MIDN: variants seen among roughly 807,000 people sequenced by gnomAD.
MIDN encodes midbrain nucleolar protein.
Under a neutral mutation model 46.1 loss-of-function variants are expected in MIDN, and 26 were observed. That is an observed-to-expected ratio of 0.56 (90% CI 0.41 to 0.78). MIDN has a LOEUF of 0.78. Among genes scored for constraint, MIDN ranks in the 30% least tolerant of loss-of-function variants. MIDN has a pLI of 0.00. For synonymous variants in MIDN, 432 were observed against 343.3 expected (o/e 1.26, Z -2.86); for missense variants, 850 against 771.8 (o/e 1.10, Z -1.20).
Position 1,248,628 on chromosome 19 carries a change from G to C in MIDN, c.-440G>C, listed in dbSNP as rs960115655. ...CATTCGGCCCCGGACGAAGGTACTC[G>C]CAGCACTTGGAGCGCAGAACCGGCC... is the stretch of plus-strand genomic sequence containing the variant. On this transcript the variant is annotated 5_prime_UTR_variant, in exon 1 of 9. Transcript: ENST00000682408. The C allele has an allele frequency of 6.6e-6, 1 of 152,358 alleles. No homozygotes were observed. The highest frequency in any genetic ancestry group is 1.5e-5 in the Non-Finnish European group (1 of 68,208). The allele number at this position is 152,358 out of a possible 1,614,324, so 9.4% of individuals were successfully genotyped here.
At chr19:1,251,336 G>C in intron 2 of MIDN, 2 of 545,070 alleles carry the variant, frequency 3.7e-6, no homozygotes, top group East Asian at 6.6e-5. Flanking sequence ...TCCAGGGCGG[G>C]GGTTCCACTG....
chr19:1,249,865 T>C (rs2081101651), intron 1 of MIDN, 25 bp from the exon 2 acceptor site: 1 of 151,840 alleles, frequency 6.6e-6, no homozygotes, highest in African/African-American at 2.4e-5. Flanking sequence ...TTATAACTTT[T>C]TTTTCTTGTT....
intron 4 of MIDN, among the ~76,000 whole-genome samples, chr19:1,252,879 C>T (rs1011914184): frequency 3.4e-4 from 51 of 151,896 alleles, no homozygotes; most frequent in Non-Finnish European, 5.9e-4. Context: ...GGGGCAGAGC[C>T]GGGGTCCCGA....
At chr19:1,252,204 T>C (rs546435773) in intron 4 of MIDN, among the ~76,000 whole-genome samples, 3 of 152,288 alleles carry the variant, frequency 2.0e-5, no homozygotes, top group African/African-American at 7.2e-5. Flanking sequence ...CACCCTGGCC[T>C]GCATCCCCAG....
At position 1,257,383 on chromosome 19, in the gene MIDN, C is replaced by T. The variant is rs1236799465; in HGVS notation, c.*111C>T. ...CCCTGGAGGGCAGGCGGCCACTCCC[C>T]CAGCCAGAAGTCTTTTTTTCTTTTC... On this transcript the variant is annotated 3_prime_UTR_variant, in exon 9 of 9. Transcript: ENST00000682408. 6.3e-6 allele frequency: 5 copies of T among 790,160 alleles called. No homozygotes were observed. Among genetic ancestry groups the T allele is most frequent in the Non-Finnish European group, 8.3e-6 (4 of 479,166 alleles). 48.9% of individuals were successfully genotyped at this position (790,160 alleles called of 1,614,324 possible). A position where few individuals can be genotyped will look rare whatever the true frequency, so the allele number is the denominator to read the frequency against.
At chr19:1,255,240 C>T (rs1027171776) in intron 7 of MIDN, among the ~76,000 whole-genome samples, 179 bp downstream of exon 7, 5 of 152,132 alleles carry the variant, frequency 3.3e-5, no homozygotes, top group African/African-American at 9.7e-5. Context: ...CCCGGGGGGC[C>T]GCGGGTCACC....
rs1427476105 is a variant in MIDN at position 1,251,629 on chromosome 19, AC to A, written c.303del (p.Val102TrpfsTer16). The A allele has an allele frequency of 1.2e-6, 2 of 1,609,680 alleles. No individual in the cohort carries two copies. On this transcript the variant is annotated frameshift_variant, in exon 3 of 9. Coordinates refer to ENST00000682408, the MANE Select transcript of MIDN (RefSeq NM_001388306.1). LOFTEE classifies it high-confidence loss of function. ...GDGSKLTLVPTVEAGLMSQAS... is the reference protein window; with the variant it reads ...GDGSKLTLVPXVEAGLMSQAS... Reference sequence around the variant, plus strand: ...TGGCAGCAAGCTGACCTTGGTACCCACCGTGGAAGCGGGCCTCATGGTAAAT... The same window carrying A: ...TGGCAGCAAGCTGACCTTGGTACCCACGTGGAAGCGGGCCTCATGGTAAAT...
chr19:1,250,242 G>A lies in MIDN; in HGVS notation c.-55G>A. ...GGAGCCTCTCGCCCCTGTCCCGGAG[G>A]CGCGGCGAGGATTGGCGGCGCCCGC... is the stretch of plus-strand genomic sequence containing the variant. On this transcript the variant is annotated 5_prime_UTR_variant, in exon 2 of 9. Transcript: ENST00000682408. 1 of 783,930 alleles carries A rather than the reference G, an allele frequency of 1.3e-6. No homozygotes were observed. Among genetic ancestry groups the A allele is most frequent in the Non-Finnish European group, 1.5e-6 (1 of 646,658 alleles). The allele number at this position is 783,930 out of a possible 1,614,324, so 48.6% of individuals were successfully genotyped here.
chr19:1,254,109 G>T (rs1169637220), intron 5 of MIDN, 27 bp downstream of exon 5: 1 of 1,545,482 alleles, frequency 6.5e-7, no homozygotes, highest in Non-Finnish European at 8.7e-7. Context: ...ACTGGGCCGG[G>T]CTGGGCTGGG....
intron 3 of MIDN, 36 bp from the exon 4 acceptor site, chr19:1,251,803 C>T (rs375143553): frequency 1.9e-6 from 3 of 1,603,336 alleles, no homozygotes; most frequent in Middle Eastern, 1.7e-4. Flanking sequence ...GGATTCCGAC[C>T]CCACACTCAG....
chr19:1,250,932 C>T (rs2081118738), intron 2 of MIDN, among the ~76,000 whole-genome samples: 1 of 151,832 alleles, frequency 6.6e-6, no homozygotes, highest in Non-Finnish European at 1.5e-5. Flanking sequence ...CCTTTGTTCT[C>T]GCCTCCGAGC....
At chr19:1,254,665 T>C (rs1158790101) in intron 6 of MIDN, among the ~76,000 whole-genome samples, 187 bp downstream of exon 6, 1 of 151,898 alleles carries the variant, frequency 6.6e-6, no homozygotes, top group African/African-American at 2.4e-5. Context: ...AGATCCTGAG[T>C]TGACGGTCAT....
chr19:1,258,294 C>CT lies in MIDN; in HGVS notation c.*1023dup, dbSNP rs1190876500. On this transcript the variant is annotated 3_prime_UTR_variant, in exon 9 of 9. Transcript: ENST00000682408. ...ATTTGGGACTGTCTGGGGGCCCCTCCTGCAGCGAGGATGGGAGGGGGTGCT... is the reference window on the plus strand; with the variant it reads ...ATTTGGGACTGTCTGGGGGCCCCTCCTTGCAGCGAGGATGGGAGGGGGTGCT... The CT allele has an allele frequency of 6.6e-6, 1 of 152,604 alleles. No homozygotes were observed. The highest frequency in any genetic ancestry group is 1.5e-5 in the Non-Finnish European group (1 of 68,066). The allele number at this position is 152,604 out of a possible 1,614,324, so 9.5% of individuals were successfully genotyped here. A position where few individuals can be genotyped will look rare whatever the true frequency, so the allele number is the denominator to read the frequency against.
intron 2 of MIDN, chr19:1,251,323 G>T: frequency 1.9e-6 from 1 of 531,540 alleles, no homozygotes. Context: ...GGGGGTGCCA[G>T]AGTCCAGGGC....
At chr19:1,251,056 G>T (rs1427867104) in intron 2 of MIDN, among the ~76,000 whole-genome samples, 1 of 151,940 alleles carries the variant, frequency 6.6e-6, no homozygotes, top group African/African-American at 2.4e-5. Context: ...GGGCCCATCG[G>T]GGGAGGGGCG....
Position 1,254,481 on chromosome 19 carries a change from G to A in MIDN, c.825+3G>A. 1 of 1,548,676 alleles carries A rather than the reference G, an allele frequency of 6.5e-7. No individual in the cohort carries two copies. On this transcript the variant is annotated splice_donor_region_variant and intron_variant, in intron 6 of 8. Coordinates refer to ENST00000682408, the MANE Select transcript of MIDN (RefSeq NM_001388306.1). ...CAGCCTCCACCACCTGCCCGGAGGTGAGCCTGGGGAAGGGAAGGGTGACCC... is the reference window on the plus strand; with the variant it reads ...CAGCCTCCACCACCTGCCCGGAGGTAAGCCTGGGGAAGGGAAGGGTGACCC...
chr19:1,258,972 C>T lies in MIDN; in HGVS notation c.*1700C>T, dbSNP rs548209644. 2.0e-5 allele frequency: 3 copies of T among 152,032 alleles called. No individual in the cohort carries two copies. Among genetic ancestry groups the T allele is most frequent in the South Asian group, 4.2e-4 (2 of 4,812 alleles). 9.4% of individuals were successfully genotyped at this position (152,032 alleles called of 1,614,324 possible). A position where few individuals can be genotyped will look rare whatever the true frequency, so the allele number is the denominator to read the frequency against. ...CCTCCAGGCAGGAACCGGCTCGCCACCCTCTGCCCGGTAAGGGCTGCCCAA... is the reference window on the plus strand; with the variant it reads ...CCTCCAGGCAGGAACCGGCTCGCCATCCTCTGCCCGGTAAGGGCTGCCCAA... On this transcript the variant is annotated 3_prime_UTR_variant, in exon 9 of 9. Coordinates refer to ENST00000682408, the MANE Select transcript of MIDN (RefSeq NM_001388306.1).
intron 1 of MIDN, among the ~76,000 whole-genome samples, chr19:1,249,678 G>A (rs1467500643): frequency 8.0e-6 from 1 of 124,840 alleles, no homozygotes; most frequent in African/African-American, 2.7e-5. Context: ...TGGGCGCTGG[G>A]GGCGGGGCGA....
chr19:1,251,264 G>A (rs75716760), intron 2 of MIDN: 1 of 404,128 alleles, frequency 2.5e-6, no homozygotes, highest in Non-Finnish European at 4.5e-6. Flanking sequence ...AGGTGGCATA[G>A]AGCACACTGG....
Sources: gnomAD v4.1 joint callset for allele counts (sites outside exome capture counted in the v4.1 genomes callset) on GRCh38, gnomAD v4.1.1 for gene constraint, MANE v1.5 for transcripts, NCBI Gene and HGNC (gene_info 2026-07-23, HGNC 2026-07-21) for gene names.